Variants in BMPR1B observed in about 807,000 individuals in gnomAD.
The protein encoded by BMPR1B is bone morphogenetic protein receptor type 1B.
BMPR1B carries 12 observed loss-of-function variants against 59.1 expected under a neutral mutation model. The observed-to-expected ratio is 0.20, with a 90% CI of 0.13 to 0.33. The LOEUF is 0.33. Among genes scored for constraint, BMPR1B ranks in the 10% least tolerant of loss-of-function variants. BMPR1B has a pLI of 1.00. For synonymous variants in BMPR1B, 237 were observed against 207.3 expected (o/e 1.14, Z -1.23); for missense variants, 550 against 610.9 (o/e 0.90, Z 1.05).
intron 3 of BMPR1B, among the ~76,000 whole-genome samples, chr4:95,005,166 G>GT (rs1722732488): frequency 1.3e-5 from 2 of 152,084 alleles, no homozygotes; most frequent in Non-Finnish European, 2.9e-5. Context: ...CTAGTTAAAA[G>GT]GAAATGTGAT....
chr4:95,010,633 C>T (rs1026280189), intron 3 of BMPR1B, among the ~76,000 whole-genome samples: 18 of 152,298 alleles, frequency 1.2e-4, no homozygotes, highest in Middle Eastern at 6.8e-3. Context: ...TTCCCTTAGA[C>T]TAGCTCTTTA....
chr4:94,758,995 C>T (rs1316607841), intron 1 of BMPR1B, among the ~76,000 whole-genome samples: 1 of 152,142 alleles, frequency 6.6e-6, no homozygotes, highest in African/African-American at 2.4e-5. Flanking sequence ...TCTCTGCGCC[C>T]ATCTCTCTGC....
intron 2 of BMPR1B, among the ~76,000 whole-genome samples, chr4:94,883,694 A>G (rs1356801421): frequency 1.3e-5 from 2 of 152,156 alleles, no homozygotes; most frequent in African/African-American, 4.8e-5. Context: ...CCTTTGAAGT[A>G]TTAAAGATAT....
chr4:94,828,757 A>G (rs1724470877), intron 1 of BMPR1B, among the ~76,000 whole-genome samples: 1 of 152,048 alleles, frequency 6.6e-6, no homozygotes, highest in Non-Finnish European at 1.5e-5. Context: ...CCCCAAACCT[A>G]TTGAATTAGA....
intron 2 of BMPR1B, among the ~76,000 whole-genome samples, chr4:94,986,212 GA>G (rs1347194204): frequency 1.3e-4 from 20 of 152,120 alleles, no homozygotes; most frequent in East Asian, 3.9e-4. Flanking sequence ...ATTGGGTCAT[GA>G]AAAAAAGTTT....
rs199620055 is a variant in BMPR1B at position 94,777,199 on chromosome 4, GTATC to G, written c.-183+19135_-183+19138del. 8.1e-3 allele frequency among the ~76,000 whole-genome samples: 1,233 copies of G among 152,074 alleles called. 9 individuals carry two copies. The highest frequency in any genetic ancestry group is 0.02 in the Middle Eastern group (6 of 294). On this transcript the variant is annotated intron_variant, in intron 1 of 12. Coordinates refer to ENST00000515059, the MANE Select transcript of BMPR1B (RefSeq NM_001203.3). ...TCTAATTTACAATTCTACCAGCAGA[GTATC>G]TATTTAATTTCTCTCATATTTTAAG...
In BMPR1B at chr4:95,131,227, C is replaced by T; in HGVS notation, c.791C>T (p.Ala264Val). The T allele has an allele frequency of 2.5e-6, 4 of 1,613,716 alleles. No individual in the cohort carries two copies. The highest frequency in any genetic ancestry group is 3.4e-6 in the Non-Finnish European group (4 of 1,179,808). ...RHENILGFIAADIKGTGSWTQ... is the reference protein window; with the variant it reads ...RHENILGFIAVDIKGTGSWTQ... ...TTTTTCCTTTTAGGTTTCATTGCTG[C>T]AGATATCAAAGGGACAGGGTCCTGG... Residue 264 changes from alanine to valine, a missense_variant, in exon 10 of 13, where the codon GCA (alanine) becomes GTA (valine). Ala to Val is a moderately conservative substitution (Grantham distance 64, BLOSUM62 0). Around this residue, in one of 6 missense-constraint regions of BMPR1B, gnomAD observed 318 missense variants for 284.6 expected, o/e 1.12. Transcript: ENST00000515059.
In BMPR1B at chr4:95,155,495, T is replaced by G. The variant is rs1046566626; in HGVS notation, c.*822T>G. The G allele has an allele frequency of 7.1e-6, 1 of 141,806 alleles. No individual in the cohort carries two copies. The highest frequency in any genetic ancestry group is 2.7e-5 in the African/African-American group (1 of 36,908). The allele number at this position is 141,806 out of a possible 1,614,324, so 8.8% of individuals were successfully genotyped here. On this transcript the variant is annotated 3_prime_UTR_variant, in exon 13 of 13. Transcript: ENST00000515059. ...GAAAGCTTTTTTTTTTTTTTTTTTT[T>G]TTTTTTTTTTTTAATGTGCAGAGGA...
chr4:94,942,355 A>G (rs1729550898), intron 2 of BMPR1B, among the ~76,000 whole-genome samples: 1 of 152,198 alleles, frequency 6.6e-6, no homozygotes, highest in African/African-American at 2.4e-5. Flanking sequence ...TTTCTTTTGT[A>G]TCTTTAAAAT....
intron 1 of BMPR1B, among the ~76,000 whole-genome samples, chr4:94,760,556 A>G (rs1044169235): frequency 6.6e-6 from 1 of 152,190 alleles, no homozygotes; most frequent in South Asian, 2.1e-4. Context: ...ATCCAAATCT[A>G]AAGTCAGTTG....
At chr4:94,840,858 G>A (rs7687785) in intron 1 of BMPR1B, among the ~76,000 whole-genome samples, 75,715 of 144,030 alleles carry the variant, frequency 0.53, 22,648 homozygotes, top group African/African-American at 0.71. Context: ...GGAGTTTCCA[G>A]TTTTTCTGTT....
At chr4:95,091,271 T>G (rs963782006) in intron 3 of BMPR1B, among the ~76,000 whole-genome samples, 1 of 150,076 alleles carries the variant, frequency 6.7e-6, no homozygotes, top group African/African-American at 2.5e-5. Flanking sequence ...TTTTCTTTTC[T>G]TTTTTTTTTG....
intron 1 of BMPR1B, among the ~76,000 whole-genome samples, chr4:94,783,049 G>A (rs1424201944): frequency 6.6e-6 from 1 of 152,082 alleles, no homozygotes; most frequent in African/African-American, 2.4e-5. Flanking sequence ...TGCAACCTTG[G>A]GCATGTCCAC....
intron 6 of BMPR1B, among the ~76,000 whole-genome samples, chr4:95,123,402 T>A (rs2149290251): frequency 6.6e-6 from 1 of 152,290 alleles, no homozygotes. Context: ...GATGCTTTTT[T>A]ATTCAAATTC....
intron 6 of BMPR1B, among the ~76,000 whole-genome samples, chr4:95,120,552 G>A (rs1732399766): frequency 6.6e-6 from 1 of 151,102 alleles, no homozygotes; most frequent in African/African-American, 2.4e-5. Context: ...TGATAAACGA[G>A]TTCAGCAAGG....
chr4:94,963,649 T>C (rs759313056), intron 2 of BMPR1B, among the ~76,000 whole-genome samples: 1 of 152,138 alleles, frequency 6.6e-6, no homozygotes, highest in Non-Finnish European at 1.5e-5. Flanking sequence ...ATGAGTAGAC[T>C]ATAAATTGTG....
intron 2 of BMPR1B, among the ~76,000 whole-genome samples, chr4:94,932,097 A>C (rs1365960894): frequency 6.6e-6 from 1 of 152,162 alleles, no homozygotes; most frequent in Non-Finnish European, 1.5e-5. Flanking sequence ...ATAAAAAGTA[A>C]GTGTTTAAAG....
chr4:94,830,803 G>A (rs1316046062), intron 1 of BMPR1B, among the ~76,000 whole-genome samples: 2 of 152,128 alleles, frequency 1.3e-5, no homozygotes, highest in African/African-American at 4.8e-5. Flanking sequence ...CCATCGTAAC[G>A]CCATAGCACG....
At chr4:95,028,924 A>C (rs960952248) in intron 3 of BMPR1B, among the ~76,000 whole-genome samples, 1 of 152,046 alleles carries the variant, frequency 6.6e-6, no homozygotes, top group South Asian at 2.1e-4. Context: ...AGAAATTTAA[A>C]AGTAAAATGG....
Sources: allele counts gnomAD v4.1 joint callset (sites outside exome capture counted in the v4.1 genomes callset), GRCh38; gene constraint gnomAD v4.1.1; regional missense constraint gnomAD v4.1.1; transcripts MANE v1.5; gene names NCBI Gene and HGNC (gene_info 2026-07-23, HGNC 2026-07-21).